SEM1: variants seen among roughly 807,000 people sequenced by gnomAD.
The protein encoded by SEM1 is SEM1 26S proteasome subunit.
In SEM1, 3 loss-of-function variants were observed where a neutral mutation model predicts 12.7. That is an observed-to-expected ratio of 0.24 (90% CI 0.11 to 0.61). The LOEUF is 0.61. Ranked by LOEUF, SEM1 falls within the 20% of genes least tolerant of loss-of-function variation. The pLI is 0.88. For missense variants in SEM1, 59 were observed against 81.3 expected, an observed-to-expected ratio of 0.73 and a Z score of 1.06; for synonymous variants, 30 against 27.8, an observed-to-expected ratio of 1.08 and a Z score of -0.25.
In SEM1 at chr7:96,550,069, G is replaced by T. The variant is rs111338881; in HGVS notation, c.171-43371C>A. Among the ~76,000 whole-genome samples the T allele has an allele frequency of 6.7e-3, 1,013 of 152,148 alleles. 7 individuals carry two copies. Among genetic ancestry groups the T allele is most frequent in the African/African-American group, 0.023 (974 of 41,522 alleles). ...AAATTAGGTTTTTATTAATATAAAT[G>T]TCTAGGGTTTAAATATTTTAATTTA... On this transcript the variant is annotated intron_variant and NMD_transcript_variant, in intron 2 of 3. Coordinates refer to the SEM1 transcript ENST00000466986.
intron 2 of SEM1, among the ~76,000 whole-genome samples, chr7:96,554,560 T>C (rs1805413831): frequency 6.7e-6 from 1 of 149,344 alleles, no homozygotes; most frequent in South Asian, 2.1e-4. Context: ...TTGATCATGG[T>C]GGATAAGCTT....
downstream of SEM1, among the ~76,000 whole-genome samples, chr7:96,671,306 C>T (rs1789310180): frequency 6.6e-6 from 1 of 152,228 alleles, no homozygotes; most frequent in African/African-American, 2.4e-5. Flanking sequence ...TTAGTAGAAA[C>T]AATTCTCACT....
rs373115555 is a variant in SEM1 at position 96,652,276 on chromosome 7, A to G, written c.171-29633T>C. The stretch of plus-strand genomic sequence containing the variant: ...GCTATTTGTATTTCTTCTGTTGTAT[A>G]TTGCCTGTTCATGTCTGTTGCCCAT... On this transcript the variant is annotated intron_variant, in intron 2 of 2. Transcript: ENST00000417009. Among the ~76,000 whole-genome samples, 13 of 152,038 alleles carry G rather than the reference A, an allele frequency of 8.6e-5. No homozygotes were observed. The East Asian group carries it at 1.2e-3, about 14-fold the overall frequency.
intron 2 of SEM1, among the ~76,000 whole-genome samples, chr7:96,583,202 T>G (rs1371005230): frequency 1.3e-5 from 2 of 150,232 alleles, no homozygotes; most frequent in Non-Finnish European, 3.0e-5. Context: ...AAAGAACATC[T>G]TTATTTCTGC....
chr7:96,630,431 T>C (rs1238095693), intron 2 of SEM1, among the ~76,000 whole-genome samples: 1 of 151,676 alleles, frequency 6.6e-6, no homozygotes, highest in East Asian at 1.9e-4. Flanking sequence ...TCATGAGGAG[T>C]ACTGCCAGAC....
chr7:96,581,578 T>C (rs1421202829), intron 2 of SEM1, among the ~76,000 whole-genome samples: 1 of 152,166 alleles, frequency 6.6e-6, no homozygotes, highest in African/African-American at 2.4e-5. Context: ...GCCATTTTCA[T>C]GATATTGATT....
chr7:96,485,536 CTTT>C (rs61088450), intron 2 of SEM1, among the ~76,000 whole-genome samples: 2 of 76,702 alleles, frequency 2.6e-5, no homozygotes, highest in Admixed American at 1.9e-4. Flanking sequence ...TCTCTACATT[CTTT>C]TTTTTTTTTT....
At chr7:96,581,154 G>A (rs146069592) in intron 2 of SEM1, among the ~76,000 whole-genome samples, 2,536 of 152,224 alleles carry the variant, frequency 0.017, 80 homozygotes, top group African/African-American at 0.057. Context: ...TGTATAAGGT[G>A]TAAGGAAGGG....
chr7:96,618,969 T>A (rs1807802632), downstream of SEM1, among the ~76,000 whole-genome samples: 1 of 152,128 alleles, frequency 6.6e-6, no homozygotes, highest in Non-Finnish European at 1.5e-5. Flanking sequence ...AAACTATCTA[T>A]CTTCTTGTAA....
In SEM1 at chr7:96,682,627, A is replaced by G. The variant is rs922215576; in HGVS notation, c.171-8768T>C. 2.6e-5 allele frequency among the ~76,000 whole-genome samples: 4 copies of G among 152,068 alleles called. No homozygotes were observed. The South Asian group carries it at 8.3e-4, about 32-fold the overall frequency. On this transcript the variant is annotated intron_variant, in intron 2 of 2. Coordinates refer to the SEM1 transcript ENST00000413065. The stretch of plus-strand genomic sequence containing the variant: ...CACAGGCATGAACAAAGGCTTCATG[A>G]CTAAAACACCAAAGAAATGGCAACA...
chr7:96,571,796 A>T (rs1806038760), intron 2 of SEM1, among the ~76,000 whole-genome samples: 1 of 152,006 alleles, frequency 6.6e-6, no homozygotes, highest in Non-Finnish European at 1.5e-5. Flanking sequence ...TATCAGGATG[A>T]TGCTGGCCTC....
intron 1 of SEM1, among the ~76,000 whole-genome samples, chr7:96,698,281 T>C (rs1333833654): frequency 3.3e-5 from 5 of 152,142 alleles, no homozygotes; most frequent in Admixed American, 3.3e-4. Flanking sequence ...AGTTCTGGGA[T>C]AGATGTGCAG....
At chr7:96,662,920 A>C (rs1789056221) in intron 2 of SEM1, among the ~76,000 whole-genome samples, 1 of 152,218 alleles carries the variant, frequency 6.6e-6, no homozygotes, top group Non-Finnish European at 1.5e-5. Context: ...TGTAAACCAT[A>C]AAAGAAAAAG....
chr7:96,562,999 A>G (rs1805736616), intron 2 of SEM1, among the ~76,000 whole-genome samples: 1 of 152,158 alleles, frequency 6.6e-6, no homozygotes, highest in African/African-American at 2.4e-5. Context: ...ATGTGAGTAA[A>G]ATGTTTTGAT....
chr7:96,542,429 G>T (rs943891435), intron 2 of SEM1, among the ~76,000 whole-genome samples: 1 of 151,702 alleles, frequency 6.6e-6, no homozygotes, highest in Non-Finnish European at 1.5e-5. Flanking sequence ...AAATGCTGCT[G>T]GCTTTTGTAC....
chr7:96,568,056 T>C (rs1388299175), intron 2 of SEM1, among the ~76,000 whole-genome samples: 1 of 151,698 alleles, frequency 6.6e-6, no homozygotes, highest in African/African-American at 2.4e-5. Context: ...CTAGAATCAT[T>C]TCAATAGCAT....
At chr7:96,662,009 A>AAAT (rs1554431166) in intron 2 of SEM1, among the ~76,000 whole-genome samples, 49 of 140,478 alleles carry the variant, frequency 3.5e-4, no homozygotes, top group African/African-American at 7.0e-4. Flanking sequence ...AAAAAAAAAA[A>AAAT]AGTCAGCAAA....
chr7:96,579,477 G>C (rs1356571639), intron 2 of SEM1, among the ~76,000 whole-genome samples: 1 of 152,192 alleles, frequency 6.6e-6, no homozygotes, highest in Non-Finnish European at 1.5e-5. Context: ...GAATTAGAAT[G>C]TAAAGCTACT....
intron 2 of SEM1, among the ~76,000 whole-genome samples, chr7:96,574,678 C>G (rs978982352): frequency 6.6e-6 from 1 of 152,068 alleles, no homozygotes; most frequent in African/African-American, 2.4e-5. Flanking sequence ...TCTTTTTTCT[C>G]TAATCTTGTC....
Sources: allele counts gnomAD v4.1 joint callset (sites outside exome capture counted in the v4.1 genomes callset), GRCh38; gene constraint gnomAD v4.1.1; transcripts MANE v1.5; gene names NCBI Gene and HGNC (gene_info 2026-07-23, HGNC 2026-07-21).